The following DPH6 variants were observed in gnomAD, a reference collection of about 807,000 sequenced individuals.
DPH6 encodes diphthine--ammonia ligase.
A neutral mutation model predicts 38.2 loss-of-function variants in DPH6; 33 were observed. That is an observed-to-expected ratio of 0.86 (90% CI 0.65 to 1.15). The LOEUF is 1.15. Ranked by LOEUF, DPH6 falls within the 50% of genes most tolerant of loss-of-function variation. The pLI is 0.00. For missense variants in DPH6, 325 were observed against 320.0 expected, an observed-to-expected ratio of 1.02 and a Z score of -0.12; for synonymous variants, 108 against 103.0, an observed-to-expected ratio of 1.05 and a Z score of -0.30.
chr15:35,250,072 G>A (rs2051662293), intron 3 of DPH6, among the ~76,000 whole-genome samples: 1 of 152,014 alleles, frequency 6.6e-6, no homozygotes, highest in African/African-American at 2.4e-5. Context: ...CAGCTACTCA[G>A]GAGGCTGAGG....
chr15:35,473,855 A>G (rs1333651705), intron 3 of DPH6, among the ~76,000 whole-genome samples: 1 of 152,052 alleles, frequency 6.6e-6, no homozygotes, highest in Non-Finnish European at 1.5e-5. Flanking sequence ...TTTACTAAAA[A>G]TGAAATGACC....
chr15:35,299,113 C>T lies in DPH6; in HGVS notation n.200+74408G>A, dbSNP rs936775362. 8 of 907,962 alleles carry T rather than the reference C, an allele frequency of 8.8e-6. No individual in the cohort carries two copies. The African/African-American group carries it at 9.9e-5, about 11-fold the overall frequency. The allele number at this position is 907,962 out of a possible 1,614,324, so 56.2% of individuals were successfully genotyped here. On this transcript the variant is annotated intron_variant and non_coding_transcript_variant, in intron 3 of 3. Transcript: ENST00000560386. ...TTTGTCCTTCCTCTCTGGCGTTTCA[C>T]TACTTTCTTACAATCGTTAGGAAAC...
chr15:35,374,433 T>A (rs2052753724), intron 7 of DPH6, among the ~76,000 whole-genome samples: 1 of 152,090 alleles, frequency 6.6e-6, no homozygotes, highest in South Asian at 2.1e-4. Context: ...GACATTGACA[T>A]TTTGTCGCTA....
rs138193150 is a variant in DPH6 at position 35,304,609 on chromosome 15, C to T, written n.200+68912G>A. 1.3e-3 allele frequency among the ~76,000 whole-genome samples: 192 copies of T among 152,086 alleles called. 1 individual carries two copies. Among genetic ancestry groups the T allele is most frequent in the African/African-American group, 4.5e-3 (188 of 41,526 alleles). Reference sequence around the variant, plus strand: ...GTTATCAATTCATCTCTATGTGTGTCGGGAAGGATTACCACAGTTAAGTAT... The same window carrying T: ...GTTATCAATTCATCTCTATGTGTGTTGGGAAGGATTACCACAGTTAAGTAT... On this transcript the variant is annotated intron_variant and non_coding_transcript_variant, in intron 3 of 3. Transcript: ENST00000560386.
intron 7 of DPH6, among the ~76,000 whole-genome samples, 192 bp downstream of exon 7, chr15:35,381,630 T>TA (rs2052867351): frequency 6.6e-5 from 10 of 152,210 alleles, no homozygotes; most frequent in Admixed American, 1.3e-4. Context: ...TAGCCTTCTA[T>TA]GAAGGCCTCG....
intron 5 of DPH6, among the ~76,000 whole-genome samples, chr15:35,436,503 A>AAAAAAAAC (rs1566909253): frequency 3.8e-5 from 3 of 79,920 alleles, no homozygotes; most frequent in African/African-American, 3.3e-4. Context: ...ACAAAACAAA[A>AAAAAAAAC]CAAAACAAAA....
chr15:35,199,924 C>T, the DPH6 span, among the ~76,000 whole-genome samples: 3 of 151,870 alleles, frequency 2.0e-5, no homozygotes, highest in African/African-American at 4.8e-5. Flanking sequence ...AGTGCAGATC[C>T]CAGGGAGTTT....
At chr15:35,176,171 G>A in the DPH6 span, among the ~76,000 whole-genome samples, 4 of 152,186 alleles carry the variant, frequency 2.6e-5, no homozygotes, top group African/African-American at 9.7e-5. Flanking sequence ...AGGATGCTAA[G>A]CACTTTTAAA....
chr15:35,269,040 A>G (rs924569204), intron 3 of DPH6, among the ~76,000 whole-genome samples: 1 of 152,218 alleles, frequency 6.6e-6, no homozygotes, highest in African/African-American at 2.4e-5. Context: ...CTCATTTACA[A>G]TAACTCCCCA....
chr15:35,276,064 A>C (rs569383334), intron 3 of DPH6, among the ~76,000 whole-genome samples: 72 of 152,216 alleles, frequency 4.7e-4, no homozygotes, highest in Non-Finnish European at 8.5e-4. Flanking sequence ...CATTCCTATC[A>C]GCAATGTAGA....
the DPH6 span, among the ~76,000 whole-genome samples, chr15:35,149,440 T>C: frequency 3.0e-4 from 45 of 152,330 alleles, no homozygotes; most frequent in African/African-American, 1.1e-3. Context: ...GGTTTCACCA[T>C]GTTGGCCAGG....
At chr15:35,316,454 T>TA (rs1404238396) in intron 3 of DPH6, among the ~76,000 whole-genome samples, 5 of 151,972 alleles carry the variant, frequency 3.3e-5, no homozygotes, top group South Asian at 2.1e-4. Flanking sequence ...ACCTGAAACT[T>TA]AAAAAAATGT....
chr15:35,169,786 A>G, the DPH6 span: 1 of 152,142 alleles, frequency 6.6e-6, no homozygotes, highest in South Asian at 2.1e-4. Context: ...ATCAATCCCC[A>G]AAAGTCCTAA....
At chr15:35,414,432 T>C (rs568470222) in intron 5 of DPH6, among the ~76,000 whole-genome samples, 1 of 151,822 alleles carries the variant, frequency 6.6e-6, no homozygotes, top group East Asian at 1.9e-4. Context: ...TCAACATACT[T>C]AGTACATTTT....
At chr15:35,213,560 G>A (rs1427555143), downstream of DPH6, among the ~76,000 whole-genome samples, 1 of 152,134 alleles carries the variant, frequency 6.6e-6, no homozygotes, top group Non-Finnish European at 1.5e-5. Flanking sequence ...TAGAAAAAAA[G>A]GTCTAAGAAT....
At chr15:35,542,351 T>A in intron 2 of DPH6, 62 bp downstream of exon 2, 2 of 1,362,358 alleles carry the variant, frequency 1.5e-6, no homozygotes, top group Non-Finnish European at 2.1e-6. Flanking sequence ...ACCTGTACAA[T>A]GTAATTATGA....
At chr15:35,434,827 G>A (rs1035473535) in intron 5 of DPH6, among the ~76,000 whole-genome samples, 2 of 152,142 alleles carry the variant, frequency 1.3e-5, no homozygotes, top group Admixed American at 6.5e-5. Context: ...AGGCTGGAGT[G>A]CAGTGGCATG....
At chr15:35,366,025 G>C (rs1470978937), downstream of DPH6, 68 of 984,376 alleles carry the variant, frequency 6.9e-5, no homozygotes, top group Non-Finnish European at 8.1e-5. Flanking sequence ...TGAACCAAAT[G>C]TTGGCAAATA....
At chr15:35,198,308 G>T in the DPH6 span, among the ~76,000 whole-genome samples, 1 of 152,042 alleles carries the variant, frequency 6.6e-6, no homozygotes, top group Non-Finnish European at 1.5e-5. Context: ...TCAATTTCTG[G>T]CAAGAAAGAT....
Sources: allele counts gnomAD v4.1 joint callset (sites outside exome capture counted in the v4.1 genomes callset), GRCh38; gene constraint gnomAD v4.1.1; transcripts MANE v1.5; gene names NCBI Gene and HGNC (gene_info 2026-07-23, HGNC 2026-07-21).